TTC3: variants seen among roughly 807,000 people sequenced by gnomAD.
TTC3 encodes tetratricopeptide repeat domain 3, also known as E3 ubiquitin-protein ligase TTC3.
TTC3 carries 180 observed loss-of-function variants against 249.6 expected under a neutral mutation model. That is an observed-to-expected ratio of 0.72 (90% CI 0.64 to 0.82). The LOEUF (loss-of-function observed/expected upper bound fraction) is 0.82. TTC3 is among the 40% of genes least tolerant of loss of function. The pLI, the probability that TTC3 is intolerant of heterozygous loss-of-function variation, is 0.00. For synonymous variants in TTC3, 717 were observed against 805.0 expected (o/e 0.89, Z 1.85); for missense variants, 2,061 against 2,398.4 (o/e 0.86, Z 2.94).
At chr21:37,180,353 G>A (rs928902126) in intron 35 of TTC3, among the ~76,000 whole-genome samples, 1 of 151,466 alleles carries the variant, frequency 6.6e-6, no homozygotes, top group Non-Finnish European at 1.5e-5. Flanking sequence ...TATCTGCTTA[G>A]CATTCTTTTT....
chr21:37,198,974 G>A (rs982481465), intron 44 of TTC3, among the ~76,000 whole-genome samples: 12 of 152,124 alleles, frequency 7.9e-5, no homozygotes, highest in African/African-American at 2.9e-4. Context: ...ACCTGGCTCC[G>A]AGCTTTGCAC....
In TTC3 at chr21:37,164,299, T is replaced by C. The variant is rs950118366; in HGVS notation, c.3335+84T>C. 9.3e-6 allele frequency: 12 copies of C among 1,294,214 alleles called. No individual in the cohort carries two copies. The African/African-American group carries it at 1.7e-4, about 18-fold the overall frequency. 80.2% of individuals were successfully genotyped at this position (1,294,214 alleles called of 1,614,324 possible). ...CAGAAGTTGTTTAATTTGTGCCTGT[T>C]TTTAGAGATTTTGCCACATTTTACA... is the stretch of plus-strand genomic sequence containing the variant. On this transcript the variant is annotated intron_variant, in intron 32 of 45. Coordinates refer to ENST00000355666, the Ensembl canonical transcript of TTC3.
intron 45 of TTC3, among the ~76,000 whole-genome samples, chr21:37,200,964 G>A (rs2148257395): frequency 6.6e-6 from 1 of 152,312 alleles, no homozygotes; most frequent in Non-Finnish European, 1.5e-5. Flanking sequence ...TGGGTACAGG[G>A]TCTTATATTT....
At chr21:37,166,059 G>A in exon 33 of TTC3, 1 of 1,614,154 alleles carries the variant, frequency 6.2e-7, no homozygotes, top group Non-Finnish European at 8.5e-7. Context: ...CCTAAACCAG[G>A]CTCTGAGGAT....
intron 34 of TTC3, among the ~76,000 whole-genome samples, chr21:37,167,987 C>T (rs1169792169): frequency 1.3e-5 from 2 of 151,918 alleles, no homozygotes; most frequent in African/African-American, 4.8e-5. Context: ...TATAAGTAAG[C>T]TTATTCATGC....
intron 10 of TTC3, chr21:37,101,082 T>C (rs2074447182): frequency 1.3e-5 from 2 of 152,240 alleles, no homozygotes; most frequent in Admixed American, 6.5e-5. Flanking sequence ...CAAATGTTAA[T>C]TGGAGAAAGT....
At chr21:37,168,582 A>G (rs1380014941) in intron 34 of TTC3, among the ~76,000 whole-genome samples, 1 of 152,224 alleles carries the variant, frequency 6.6e-6, no homozygotes. Flanking sequence ...AAATGAAAAG[A>G]TATTTCATGT....
At chr21:37,197,806 C>T in intron 43 of TTC3, 76 bp from the exon 44 acceptor site, 1 of 1,556,514 alleles carries the variant, frequency 6.4e-7, no homozygotes, top group Non-Finnish European at 8.6e-7. Flanking sequence ...GTACTAAAGA[C>T]AGAAGATGGT....
At chr21:37,108,091 A>G (rs1568935957) in intron 10 of TTC3, 1 of 204,934 alleles carries the variant, frequency 4.9e-6, no homozygotes, top group Non-Finnish European at 9.9e-6. Flanking sequence ...TCTCAAAAAA[A>G]ACAAAAGAAT....
At chr21:37,083,857 T>C (rs2072041065) in intron 1 of TTC3, 1 of 152,214 alleles carries the variant, frequency 6.6e-6, no homozygotes. Flanking sequence ...TTTGGAATTT[T>C]GGAAGCCATT....
rs115187466 is a variant in TTC3 at position 37,087,653 on chromosome 21, G to A, written c.145-180G>A. ...AGAAAAGCTCTTGGGGAGAGCCATA[G>A]AAGCAAACTCAGGTAATACTGTAAA... On this transcript the variant is annotated intron_variant, in intron 2 of 45. Coordinates refer to ENST00000355666, the Ensembl canonical transcript of TTC3. 2.0e-3 allele frequency among the ~76,000 whole-genome samples: 304 copies of A among 152,286 alleles called. 1 individual carries two copies. Among genetic ancestry groups the A allele is most frequent in the Middle Eastern group, 0.01 (3 of 294 alleles).
At chr21:37,198,294 C>T (rs990966656) in intron 44 of TTC3, among the ~76,000 whole-genome samples, 1 of 152,214 alleles carries the variant, frequency 6.6e-6, no homozygotes, top group African/African-American at 2.4e-5. Flanking sequence ...GGGATCTGAG[C>T]CTTCTCTCTC....
At chr21:37,149,776 A>G (rs1366782538) in intron 23 of TTC3, among the ~76,000 whole-genome samples, 1 of 152,220 alleles carries the variant, frequency 6.6e-6, no homozygotes, top group African/African-American at 2.4e-5. Flanking sequence ...CAGAGGAAAA[A>G]GAACAATGTC....
intron 7 of TTC3, among the ~76,000 whole-genome samples, chr21:37,093,766 T>A (rs2073599259): frequency 1.3e-5 from 2 of 152,118 alleles, no homozygotes; most frequent in South Asian, 4.1e-4. Context: ...AAATAAAAGG[T>A]GAGATTAGAT....
intron 1 of TTC3, chr21:37,083,363 C>A: frequency 1.0e-6 from 1 of 985,342 alleles, no homozygotes; most frequent in Non-Finnish European, 1.2e-6. Context: ...GAAGCTGTTG[C>A]ATGGTTTTAA....
chr21:37,118,096 G>A (rs575468071), intron 11 of TTC3, among the ~76,000 whole-genome samples: 26 of 146,726 alleles, frequency 1.8e-4, no homozygotes, highest in African/African-American at 6.4e-4. Context: ...TAAAAATTTG[G>A]TAACTACATA....
intron 16 of TTC3, 152 bp downstream of exon 16, chr21:37,129,215 G>A (rs1442597954): frequency 4.5e-6 from 2 of 445,492 alleles, no homozygotes; most frequent in African/African-American, 2.0e-5. Flanking sequence ...CATATCTTTA[G>A]GAAAGGATAA....
intron 10 of TTC3, among the ~76,000 whole-genome samples, chr21:37,102,728 G>T (rs1179296991): frequency 6.6e-6 from 1 of 152,204 alleles, no homozygotes; most frequent in Non-Finnish European, 1.5e-5. Context: ...CAGGTGCAGT[G>T]GCTCGTGCCT....
At chr21:37,076,901 A>G (rs555143703) in intron 1 of TTC3, among the ~76,000 whole-genome samples, 2 of 151,798 alleles carry the variant, frequency 1.3e-5, no homozygotes, top group Non-Finnish European at 2.9e-5. Context: ...GGATTTCACC[A>G]TGTTGGCTAG....
Sources: gnomAD v4.1 joint callset for allele counts (sites outside exome capture counted in the v4.1 genomes callset) on GRCh38, gnomAD v4.1.1 for gene constraint, MANE v1.5 for transcripts, NCBI Gene and HGNC (gene_info 2026-07-23, HGNC 2026-07-21) for gene names.